Variants in SCUBE2 observed in about 807,000 individuals in gnomAD.
SCUBE2 encodes the protein signal peptide, CUB domain and EGF like domain containing 2.
SCUBE2 carries 114 observed loss-of-function variants against 125.9 expected under a neutral mutation model. The observed-to-expected ratio is 0.91, with a 90% confidence interval of 0.78 to 1.06. The LOEUF (loss-of-function observed/expected upper bound fraction) is 1.06, where lower values mean the gene tolerates loss of function less well. Among genes scored for constraint, SCUBE2 ranks in the 50% least tolerant of loss-of-function variants. SCUBE2 has a pLI of 0.00. For synonymous variants in SCUBE2, 459 were observed against 492.9 expected (o/e 0.93, Z 0.91); for missense variants, 1,255 against 1,301.8 (o/e 0.96, Z 0.55).
chr11:9,048,916 G>GA (rs1858069440), intron 14 of SCUBE2, among the ~76,000 whole-genome samples: 1 of 152,208 alleles, frequency 6.6e-6, no homozygotes, highest in South Asian at 2.1e-4. Flanking sequence ...GTCAACAGGG[G>GA]CCACAGGAAG....
At chr11:9,077,417 G>A (rs531993921) in intron 3 of SCUBE2, among the ~76,000 whole-genome samples, 4 of 152,330 alleles carry the variant, frequency 2.6e-5, no homozygotes, top group South Asian at 4.1e-4. Flanking sequence ...GCTGCCTTTC[G>A]TTTTTCAGAC....
Position 9,055,870 on chromosome 11 carries a change from C to A in SCUBE2, c.1130G>T (p.Ser377Ile). 6.2e-7 allele frequency: 1 copy of A among 1,614,214 alleles called. No individual in the cohort carries two copies. The highest frequency in any genetic ancestry group is 8.5e-7 in the Non-Finnish European group (1 of 1,180,040). The change falls in exon 10 of 23, where the codon AGC (serine) becomes ATC (isoleucine). Residue 377 changes from serine to isoleucine, a missense_variant. By Grantham distance (142) the Ser-to-Ile change is moderately radical (BLOSUM62 -2). Around this residue, in one of 3 missense-constraint regions of SCUBE2, gnomAD observed 378 missense variants for 463.1 expected, o/e 0.82. Coordinates refer to ENST00000649792, the MANE Select transcript of SCUBE2 (RefSeq NM_001367977.2). The stretch of plus-strand genomic sequence containing the variant: ...AAATGTGCCAGGGTGGTTGATGCAG[C>A]TGTGGTCACAGGTCCTATCCAAAGA... ...ECSLDRTCDH[S>I]CINHPGTFAC...
intron 10 of SCUBE2, among the ~76,000 whole-genome samples, chr11:9,054,406 A>T (rs978310898): frequency 6.6e-6 from 1 of 151,284 alleles, no homozygotes; most frequent in Non-Finnish European, 1.5e-5. Flanking sequence ...CTATTTTAAA[A>T]CTCTACCATC....
intron 4 of SCUBE2, among the ~76,000 whole-genome samples, chr11:9,072,112 A>G (rs144566007): frequency 2.0e-5 from 3 of 152,354 alleles, no homozygotes; most frequent in Admixed American, 2.0e-4. Flanking sequence ...ATAATTATTA[A>G]AAACAACAGC....
chr11:9,061,396 C>T (rs1459226418), intron 7 of SCUBE2, among the ~76,000 whole-genome samples: 1 of 151,816 alleles, frequency 6.6e-6, no homozygotes, highest in Non-Finnish European at 1.5e-5. Flanking sequence ...CATCTCTACA[C>T]AAATTTTAAA....
At chr11:9,038,170 G>A (rs973828621) in intron 16 of SCUBE2, among the ~76,000 whole-genome samples, 7 of 152,106 alleles carry the variant, frequency 4.6e-5, no homozygotes, top group Admixed American at 3.3e-4. Flanking sequence ...GTAAATAAAT[G>A]AGCAATAAAT....
rs1856264142 is a variant in SCUBE2 at position 9,031,100 on chromosome 11, CAT to C, written c.2174-177_2174-176del. 5.1e-6 allele frequency: 3 copies of C among 592,414 alleles called. No homozygotes were observed. The South Asian group carries it at 6.3e-5, about 12-fold the overall frequency. 36.7% of individuals were successfully genotyped at this position (592,414 alleles called of 1,614,324 possible). ...TGCTTCTGACCCTGAGTCAATGGCACATGAGTGCCTGCTGTTTACACACAGGG... is the reference window on the plus strand; with the variant it reads ...TGCTTCTGACCCTGAGTCAATGGCACGAGTGCCTGCTGTTTACACACAGGG... On this transcript the variant is annotated intron_variant, in intron 17 of 22. Coordinates refer to ENST00000649792, the MANE Select transcript of SCUBE2 (RefSeq NM_001367977.2).
At chr11:9,029,784 A>C in intron 19 of SCUBE2, 100 bp downstream of exon 19, 1 of 1,298,558 alleles carries the variant, frequency 7.7e-7, no homozygotes, top group South Asian at 1.3e-5. Context: ...CATGGTTCTG[A>C]GTGAACCTGG....
At chr11:9,021,293 T>G in intron 22 of SCUBE2, 96 bp from the exon 23 acceptor site, 1 of 1,055,294 alleles carries the variant, frequency 9.5e-7, no homozygotes, top group Non-Finnish European at 1.3e-6. Flanking sequence ...AGGCCGTAGC[T>G]TGCTTAGCTG....
chr11:9,082,067 TG>T (rs1377779583), intron 2 of SCUBE2, among the ~76,000 whole-genome samples: 1 of 152,246 alleles, frequency 6.6e-6, no homozygotes, highest in Non-Finnish European at 1.5e-5. Flanking sequence ...AGTTTTGATT[TG>T]CGTTTCCCTA....
chr11:9,046,230 G>C (rs1009997016), intron 16 of SCUBE2, among the ~76,000 whole-genome samples: 4 of 151,706 alleles, frequency 2.6e-5, no homozygotes, highest in East Asian at 1.9e-4. Context: ...GGATGGTCTC[G>C]ATCTCCTGAC....
At chr11:9,052,328 C>T (rs1858500319) in intron 13 of SCUBE2, among the ~76,000 whole-genome samples, 2 of 152,236 alleles carry the variant, frequency 1.3e-5, no homozygotes, top group Non-Finnish European at 2.9e-5. Context: ...TTTCATTCTT[C>T]ATCTTTTGAC....
chr11:9,026,610 AT>A (rs1855788600), intron 20 of SCUBE2: 2 of 147,280 alleles, frequency 1.4e-5, no homozygotes, highest in Non-Finnish European at 1.5e-5. Context: ...TGCCCAGCTA[AT>A]TAAAAAAAAA....
At chr11:9,085,230 G>T (rs1191949677) in intron 2 of SCUBE2, among the ~76,000 whole-genome samples, 2 of 152,130 alleles carry the variant, frequency 1.3e-5, no homozygotes, top group African/African-American at 2.4e-5. Context: ...GAAAAATGGT[G>T]AAATTTGAAT....
At chr11:9,053,545 C>T (rs1346132958) in intron 11 of SCUBE2, 92 bp downstream of exon 11, 30 of 1,443,064 alleles carry the variant, frequency 2.1e-5, no homozygotes, top group East Asian at 2.3e-5. Context: ...AGTGGAGGGA[C>T]GGTCAGGTGG....
chr11:9,054,593 A>G (rs1012706802), intron 10 of SCUBE2, among the ~76,000 whole-genome samples: 1 of 150,792 alleles, frequency 6.6e-6, no homozygotes, highest in Admixed American at 6.6e-5. Flanking sequence ...CTCAGGGTAC[A>G]TTTCCTCGAG....
intron 16 of SCUBE2, 81 bp downstream of exon 16, chr11:9,047,275 G>T: frequency 7.0e-7 from 1 of 1,428,008 alleles, no homozygotes; most frequent in Non-Finnish European, 9.8e-7. Flanking sequence ...AGGGAGGATG[G>T]GCCAGACTTG....
intron 1 of SCUBE2, among the ~76,000 whole-genome samples, chr11:9,090,676 G>T (rs966768665): frequency 1.3e-5 from 2 of 151,998 alleles, no homozygotes; most frequent in Admixed American, 6.6e-5. Flanking sequence ...GCGAAGCGGG[G>T]ATGGTGTCCC....
At chr11:9,084,197 G>A (rs961361216) in intron 2 of SCUBE2, among the ~76,000 whole-genome samples, 1 of 152,216 alleles carries the variant, frequency 6.6e-6, no homozygotes, top group Non-Finnish European at 1.5e-5. Flanking sequence ...TGACACAGGA[G>A]ACAATGTGTG....
Sources: allele counts gnomAD v4.1 joint callset (sites outside exome capture counted in the v4.1 genomes callset), GRCh38; gene constraint gnomAD v4.1.1; regional missense constraint gnomAD v4.1.1; transcripts MANE v1.5; gene names NCBI Gene and HGNC (gene_info 2026-07-23, HGNC 2026-07-21).